Variants in CCDC110 observed in about 807,000 individuals in gnomAD.
CCDC110 encodes the protein coiled-coil domain-containing protein 110.
In CCDC110, 70 loss-of-function variants were observed where a neutral mutation model predicts 77.1. The observed-to-expected ratio is 0.91, with a 90% CI of 0.75 to 1.11. The LOEUF is 1.11. CCDC110 is among the 50% of genes least tolerant of loss of function. The pLI is 0.00. For missense variants in CCDC110, 868 were observed against 942.9 expected (o/e 0.92, Z 1.04); for synonymous variants, 295 against 312.5 (o/e 0.94, Z 0.59).
intron 6 of CCDC110, among the ~76,000 whole-genome samples, chr4:185,454,788 G>T (rs1255610084): frequency 6.6e-6 from 1 of 151,888 alleles, no homozygotes; most frequent in Non-Finnish European, 1.5e-5. Context: ...TAACAGATGG[G>T]GTCTCATTCT....
chr4:185,447,306 C>T (rs969696364), intron 6 of CCDC110, among the ~76,000 whole-genome samples: 15 of 151,976 alleles, frequency 9.9e-5, no homozygotes, highest in African/African-American at 3.1e-4. Flanking sequence ...CTCAGCCTCC[C>T]GAGTAGCTGG....
At chr4:185,456,375 C>T (rs532813096) in intron 6 of CCDC110, among the ~76,000 whole-genome samples, 2 of 80,432 alleles carry the variant, frequency 2.5e-5, no homozygotes, top group Admixed American at 3.0e-4. Flanking sequence ...CCAAGTAGCA[C>T]CAGACGACCC....
Position 185,458,120 on chromosome 4 carries a change from G to C in CCDC110, c.2461+6C>G. On this transcript the variant is annotated splice_donor_region_variant and intron_variant, in intron 6 of 6. Transcript: ENST00000307588. ...CATCTCTACTAATCTACCAGGACTT[G>C]CGTACCTTTCAAATCCGAAGCCAAA... 1 of 1,532,836 alleles carries C rather than the reference G, an allele frequency of 6.5e-7. No individual in the cohort carries two copies. Among genetic ancestry groups the C allele is most frequent in the Non-Finnish European group, 8.7e-7 (1 of 1,146,826 alleles). The allele number at this position is 1,532,836 out of a possible 1,614,324, so 95.0% of individuals were successfully genotyped here. A position where few individuals can be genotyped will look rare whatever the true frequency, so the allele number is the denominator to read the frequency against.
intron 2 of CCDC110, among the ~76,000 whole-genome samples, chr4:185,469,192 A>G (rs1040929430): frequency 2.0e-5 from 3 of 152,232 alleles, no homozygotes; most frequent in Non-Finnish European, 4.4e-5. Flanking sequence ...CGGGGAATGG[A>G]TCACTTGGTG....
intron 6 of CCDC110, among the ~76,000 whole-genome samples, chr4:185,451,956 G>A (rs1042088377): frequency 2.6e-5 from 4 of 152,180 alleles, no homozygotes; most frequent in Non-Finnish European, 5.9e-5. Flanking sequence ...TTATATAAAT[G>A]TATTGTGTCG....
rs997679800 is a variant in CCDC110, at chr4:185,445,347, T to C, written c.*155A>G. ...TTCCCAGCTGAGAAAGCTTAAGTTA[T>C]CTGCACCAAACCATTCTGTGCATAA... is the stretch of plus-strand genomic sequence containing the variant. On this transcript the variant is annotated 3_prime_UTR_variant, in exon 7 of 7. Coordinates refer to ENST00000307588, the MANE Select transcript of CCDC110 (RefSeq NM_152775.4). 6.8e-6 allele frequency: 5 copies of C among 735,432 alleles called. No homozygotes were observed. Among genetic ancestry groups the C allele is most frequent in the Middle Eastern group, 7.2e-4 (2 of 2,768 alleles). 45.6% of individuals were successfully genotyped at this position (735,432 alleles called of 1,614,324 possible).
intron 2 of CCDC110, among the ~76,000 whole-genome samples, chr4:185,463,475 C>T (rs1395364438): frequency 2.6e-5 from 4 of 152,198 alleles, no homozygotes; most frequent in African/African-American, 7.2e-5. Flanking sequence ...GGATCAACAG[C>T]ATAATTTTTG....
chr4:185,470,744 C>T (rs66481949), intron 2 of CCDC110: 165,547 of 654,146 alleles, frequency 0.25, 26,737 homozygotes, highest in African/African-American at 0.63. Context: ...TGGTAGCACC[C>T]ACCTCGTAAA....
At chr4:185,462,896 A>G in intron 3 of CCDC110, 98 bp downstream of exon 3, 6 of 1,128,034 alleles carry the variant, frequency 5.3e-6, no homozygotes, top group Non-Finnish European at 8.0e-6. Flanking sequence ...TGTGAGGATA[A>G]AGTGAGAGAA....
intron 6 of CCDC110, chr4:185,457,823 A>C (rs2095638250): frequency 7.2e-7 from 1 of 1,381,084 alleles, no homozygotes; most frequent in Non-Finnish European, 9.6e-7. Context: ...TTCCTAGGGA[A>C]AAAAAAAAGA....
intron 6 of CCDC110, chr4:185,457,128 T>C (rs2095637008): frequency 5.0e-6 from 2 of 398,576 alleles, no homozygotes; most frequent in Middle Eastern, 5.1e-4. Flanking sequence ...TAATTTACCA[T>C]ATTAACAGAT....
At chr4:185,462,585 G>T in intron 4 of CCDC110, 58 bp downstream of exon 4, 1 of 1,329,846 alleles carries the variant, frequency 7.5e-7, no homozygotes, top group Non-Finnish European at 1.1e-6. Flanking sequence ...CATCAGCTTA[G>T]AAGATGGGAT....
At chr4:185,448,576 A>C (rs930670871) in intron 6 of CCDC110, among the ~76,000 whole-genome samples, 2 of 152,208 alleles carry the variant, frequency 1.3e-5, no homozygotes, top group African/African-American at 4.8e-5. Context: ...AAATGTATGT[A>C]ATTTAAACTG....
intron 6 of CCDC110, among the ~76,000 whole-genome samples, chr4:185,455,703 T>TCTTTAC (rs2095635029): frequency 6.6e-6 from 1 of 151,982 alleles, no homozygotes. Flanking sequence ...GCCAACATGG[T>TCTTTAC]GAAACCCCGT....
In CCDC110 at chr4:185,466,449, G is replaced by A. The variant is rs536870046; in HGVS notation, c.116-3400C>T. ...GAAGGACATGCATAGAAGCCCGAAC[G>A]AAGTGCTTGAGGAGAGAATGGAATG... On this transcript the variant is annotated intron_variant, in intron 2 of 6. Transcript: ENST00000307588. 2.3e-3 allele frequency among the ~76,000 whole-genome samples: 348 copies of A among 152,294 alleles called. 1 individual carries two copies. Among genetic ancestry groups the A allele is most frequent in the Non-Finnish European group, 4.1e-3 (279 of 68,040 alleles).
chr4:185,471,710 G>A lies in CCDC110; in HGVS notation c.-27C>T. 1 of 1,532,398 alleles carries A rather than the reference G, an allele frequency of 6.5e-7. No homozygotes were observed. Among genetic ancestry groups the A allele is most frequent in the Non-Finnish European group, 8.7e-7 (1 of 1,143,308 alleles). 94.9% of individuals were successfully genotyped at this position (1,532,398 alleles called of 1,614,324 possible). On this transcript the variant is annotated 5_prime_UTR_variant, in exon 1 of 7. Coordinates refer to ENST00000307588, the MANE Select transcript of CCDC110 (RefSeq NM_152775.4). ...GCCGCGGCTCATCTCTCTCGCAACC[G>A]CCGCCGCACGCACCCGCTCCGCCGC...
chr4:185,457,120 AT>A (rs2095636993), intron 6 of CCDC110: 8 of 370,356 alleles, frequency 2.2e-5, no homozygotes, highest in South Asian at 1.7e-4. Context: ...AATTAACATA[AT>A]TTACCATATT....
intron 1 of CCDC110, 110 bp downstream of exon 1, chr4:185,471,564 C>T (rs1366558504): frequency 8.1e-7 from 1 of 1,240,184 alleles, no homozygotes; most frequent in Non-Finnish European, 1.1e-6. Context: ...TGCAGAAGGG[C>T]GGACCCGGGA....
chr4:185,470,599 C>T, intron 2 of CCDC110: 1 of 470,822 alleles, frequency 2.1e-6, no homozygotes, highest in South Asian at 1.6e-5. Context: ...AGAGAAGCAA[C>T]GGAGCGTAGC....
Sources: allele counts gnomAD v4.1 joint callset (sites outside exome capture counted in the v4.1 genomes callset), GRCh38; gene constraint gnomAD v4.1.1; transcripts MANE v1.5; gene names NCBI Gene and HGNC (gene_info 2026-07-23, HGNC 2026-07-21).